Variants in NUMB observed in about 807,000 individuals in gnomAD.
NUMB encodes the protein NUMB endocytic adaptor protein.
In NUMB, 29 loss-of-function variants were observed where a neutral mutation model predicts 59.7. That is an observed-to-expected ratio of 0.49 (90% CI 0.36 to 0.66). The LOEUF is 0.66. Ranked by LOEUF, NUMB falls within the 30% of genes least tolerant of loss-of-function variation. The pLI is 0.00. For missense variants in NUMB, 723 were observed against 822.0 expected, an observed-to-expected ratio of 0.88 and a Z score of 1.47; for synonymous variants, 288 against 288.2, an observed-to-expected ratio of 1.00 and a Z score of 0.01.
chr14:73,319,916 G>A (rs1033269320), intron 5 of NUMB, among the ~76,000 whole-genome samples: 1 of 152,130 alleles, frequency 6.6e-6, no homozygotes, highest in African/African-American at 2.4e-5. Context: ...TGGATCACGA[G>A]GTCATGAATT....
chr14:73,368,820 G>C (rs1037779136), intron 2 of NUMB, among the ~76,000 whole-genome samples: 1 of 152,114 alleles, frequency 6.6e-6, no homozygotes, highest in African/African-American at 2.4e-5. Flanking sequence ...TTTCTTAAGA[G>C]GGGGATGAGA....
chr14:73,341,455 G>C (rs1320353481), intron 4 of NUMB, among the ~76,000 whole-genome samples: 1 of 152,114 alleles, frequency 6.6e-6, no homozygotes, highest in Non-Finnish European at 1.5e-5. Context: ...AGAGTAGTCA[G>C]TAAAACTGTA....
At chr14:73,334,584 T>C (rs746931466) in intron 4 of NUMB, among the ~76,000 whole-genome samples, 15 of 152,240 alleles carry the variant, frequency 9.9e-5, no homozygotes, top group Non-Finnish European at 5.9e-5. Context: ...ATTCGACTTT[T>C]CTTTTCCTGC....
Position 73,276,466 on chromosome 14 carries a change from T to C in NUMB, c.*112A>G, listed in dbSNP as rs553303989. 2.1e-4 allele frequency: 167 copies of C among 785,196 alleles called. 1 individual carries two copies. The highest frequency in any genetic ancestry group is 1.5e-3 in the African/African-American group (86 of 57,448). The allele number at this position is 785,196 out of a possible 1,614,324, so 48.6% of individuals were successfully genotyped here. Reference sequence around the variant, plus strand: ...GGCCTGGACTTGTTCCTTGGGACCTTTGGGATTAGTGAAAAGAGTACTAAT... The same window carrying C: ...GGCCTGGACTTGTTCCTTGGGACCTCTGGGATTAGTGAAAAGAGTACTAAT... On this transcript the variant is annotated 3_prime_UTR_variant, in exon 13 of 13. Coordinates refer to ENST00000555238, the MANE Select transcript of NUMB (RefSeq NM_001005743.2).
At position 73,280,686 on chromosome 14, in the gene NUMB, ATTTTTT is replaced by A. The variant is rs397852698; in HGVS notation, c.1097-1268_1097-1263del. Among the ~76,000 whole-genome samples the A allele has an allele frequency of 4.6e-5, 4 of 87,694 alleles. No individual in the cohort carries two copies. In the South Asian group the frequency reaches 1.2e-3, roughly 25 times the overall value. 57.5% of individuals were successfully genotyped at this position (87,694 alleles called of 152,430 possible). ...CAGCCATGCCTATGGTGTTGGTACT[ATTTTTT>A]TTTTTTTTTTTTTTTTTTGAGATGG... On this transcript the variant is annotated intron_variant, in intron 11 of 12. Transcript: ENST00000555238.
rs56116167 is a variant in NUMB, at chr14:73,293,393, CTTTTTTT to C, written c.310-526_310-520del. ...GTGGAATTTCCACTCGTTTCTTTTT[CTTTTTTT>C]TTTTTTTTTTTTGGACAGTCTCACT... On this transcript the variant is annotated intron_variant, in intron 7 of 12. Transcript: ENST00000555238. Among the ~76,000 whole-genome samples, 506 of 95,602 alleles carry C rather than the reference CTTTTTTT, an allele frequency of 5.3e-3. 1 individual carries two copies. Among genetic ancestry groups the C allele is most frequent in the Non-Finnish European group, 7.4e-3 (342 of 46,312 alleles). The allele number at this position is 95,602 out of a possible 152,430, so 62.7% of individuals were successfully genotyped here. A position where few individuals can be genotyped will look rare whatever the true frequency, so the allele number is the denominator to read the frequency against.
At chr14:73,398,984 A>C (rs2140113022) in intron 2 of NUMB, among the ~76,000 whole-genome samples, 1 of 152,334 alleles carries the variant, frequency 6.6e-6, no homozygotes, top group East Asian at 1.9e-4. Flanking sequence ...CCTAGGTATC[A>C]ATTATTAGAG....
At chr14:73,390,811 G>A (rs1009927079) in intron 2 of NUMB, among the ~76,000 whole-genome samples, 5 of 151,278 alleles carry the variant, frequency 3.3e-5, no homozygotes, top group Admixed American at 6.6e-5. Context: ...CACCACGCCC[G>A]GCTAATTTTG....
intron 2 of NUMB, among the ~76,000 whole-genome samples, chr14:73,367,296 T>TATATATATATACAC (rs1406816784): frequency 6.7e-4 from 81 of 120,978 alleles, no homozygotes; most frequent in African/African-American, 2.7e-3. Context: ...TATATATATA[T>TATATATATATACAC]ACACACACAC....
intron 1 of NUMB, among the ~76,000 whole-genome samples, chr14:73,427,825 G>A (rs1181298871): frequency 1.3e-5 from 2 of 152,062 alleles, no homozygotes; most frequent in African/African-American, 2.4e-5. Context: ...AACCTAACAC[G>A]CTTAAACCTT....
intron 6 of NUMB, among the ~76,000 whole-genome samples, chr14:73,308,141 G>T (rs575193979): frequency 6.6e-6 from 1 of 152,196 alleles, no homozygotes; most frequent in Non-Finnish European, 1.5e-5. Flanking sequence ...CTACTGCAAT[G>T]GTTCAGATAA....
chr14:73,324,569 T>C (rs1320119803), intron 4 of NUMB, among the ~76,000 whole-genome samples: 1 of 152,012 alleles, frequency 6.6e-6, no homozygotes, highest in Non-Finnish European at 1.5e-5. Flanking sequence ...GGAATTGAGG[T>C]GCTAAAATGG....
rs1340470304 is a variant in NUMB, at chr14:73,277,388, C to T, written c.1241-95G>A. ...ATTTGAATGATCCTAACATGTACAACATGTCCCCCCCTAATGGGACATTTT... is the reference window on the plus strand; with the variant it reads ...ATTTGAATGATCCTAACATGTACAATATGTCCCCCCCTAATGGGACATTTT... On this transcript the variant is annotated intron_variant, in intron 12 of 12. Transcript: ENST00000555238. 6 of 969,412 alleles carry T rather than the reference C, an allele frequency of 6.2e-6. No individual in the cohort carries two copies. The African/African-American group carries it at 9.9e-5, about 16-fold the overall frequency. 60.1% of individuals were successfully genotyped at this position (969,412 alleles called of 1,614,324 possible).
chr14:73,338,326 G>T (rs544680703), intron 4 of NUMB, among the ~76,000 whole-genome samples: 1 of 151,932 alleles, frequency 6.6e-6, no homozygotes, highest in African/African-American at 2.4e-5. Flanking sequence ...TTAACTTATC[G>T]TTCTCTTGTG....
intron 4 of NUMB, among the ~76,000 whole-genome samples, chr14:73,343,049 A>G (rs962861902): frequency 6.6e-6 from 1 of 151,454 alleles, no homozygotes; most frequent in Non-Finnish European, 1.5e-5. Flanking sequence ...CGGAGGCTTC[A>G]AACTCCTGGG....
chr14:73,362,406 G>C (rs1894141148), intron 3 of NUMB, among the ~76,000 whole-genome samples: 1 of 152,062 alleles, frequency 6.6e-6, no homozygotes, highest in African/African-American at 2.4e-5. Context: ...AAAGGGGGAG[G>C]AGGAGAAACA....
chr14:73,393,891 CT>C (rs1191172898), intron 2 of NUMB, among the ~76,000 whole-genome samples: 8 of 152,226 alleles, frequency 5.3e-5, no homozygotes, highest in East Asian at 3.9e-4. Flanking sequence ...AATATTAATA[CT>C]TTTTTTGCAT....
intron 8 of NUMB, 104 bp downstream of exon 8, chr14:73,292,630 A>C (rs976550400): frequency 1.8e-6 from 2 of 1,139,438 alleles, no homozygotes; most frequent in Non-Finnish European, 2.5e-6. Flanking sequence ...GGCACTTCCA[A>C]GTACTTGTTA....
intron 2 of NUMB, among the ~76,000 whole-genome samples, chr14:73,374,905 G>A (rs1169780797): frequency 1.3e-5 from 2 of 151,874 alleles, no homozygotes; most frequent in South Asian, 4.2e-4. Flanking sequence ...ATTTTTAGTA[G>A]CGATGATGTT....
Sources: allele counts gnomAD v4.1 joint callset (sites outside exome capture counted in the v4.1 genomes callset), GRCh38; gene constraint gnomAD v4.1.1; transcripts MANE v1.5; gene names NCBI Gene and HGNC (gene_info 2026-07-23, HGNC 2026-07-21).